Variants in SLIT2 observed in about 807,000 individuals in gnomAD.
The protein encoded by SLIT2 is slit homolog 2 protein.
SLIT2 carries 41 observed loss-of-function variants against 185.7 expected under a neutral mutation model. The observed-to-expected ratio is 0.22, with a 90% confidence interval of 0.17 to 0.29. The LOEUF (loss-of-function observed/expected upper bound fraction) is 0.29. Among genes scored for constraint, SLIT2 ranks in the 10% least tolerant of loss-of-function variants. The pLI is 1.00. For synonymous variants in SLIT2, 693 were observed against 680.2 expected, an observed-to-expected ratio of 1.02 and a Z score of -0.29; for missense variants, 1,571 against 1,909.0, an observed-to-expected ratio of 0.82 and a Z score of 3.30.
At chr4:20,364,095 C>T (rs73238759) in intron 4 of SLIT2, among the ~76,000 whole-genome samples, 1 of 151,986 alleles carries the variant, frequency 6.6e-6, no homozygotes, top group African/African-American at 2.4e-5. Flanking sequence ...AGGGAAAGTT[C>T]GTCTTTGCTC....
rs1009555875 is a variant in SLIT2, at chr4:20,617,169, A to C, written c.4107A>C (p.Gln1369His). The C allele has an allele frequency of 6.2e-7, 1 of 1,600,258 alleles. No homozygotes were observed. Among genetic ancestry groups the C allele is most frequent in the Non-Finnish European group, 8.5e-7 (1 of 1,170,072 alleles). The change falls in exon 35 of 37, where the codon CAA (glutamine) becomes CAC (histidine). Residue 1369 changes from glutamine (Q) to histidine (H), a missense_variant. Around this residue, in one of 3 missense-constraint regions of SLIT2, gnomAD observed 223 missense variants for 245.2 expected, o/e 0.91. Transcript: ENST00000504154. ...QEGWMGPLCD[Q>H]RTNDPCLGNK... ...GATGGATGGGGCCCCTCTGTGACCA[A>C]CGGACCAATGACCCTTGCCTTGGAA...
chr4:20,446,055 C>A (rs1711761057), intron 4 of SLIT2, among the ~76,000 whole-genome samples: 1 of 152,198 alleles, frequency 6.6e-6, no homozygotes, highest in African/African-American at 2.4e-5. Flanking sequence ...TCTCTGTGCA[C>A]AACAACTGTC....
At chr4:20,321,757 C>A (rs572241214) in intron 4 of SLIT2, among the ~76,000 whole-genome samples, 1 of 152,292 alleles carries the variant, frequency 6.6e-6, no homozygotes, top group South Asian at 2.1e-4. Context: ...TTCTATTAGT[C>A]ACTTTCATTT....
chr4:20,472,395 T>TATATCTATATATATAG (rs1553908511), intron 5 of SLIT2, among the ~76,000 whole-genome samples: 5 of 38,864 alleles, frequency 1.3e-4, no homozygotes, highest in African/African-American at 1.9e-4. Context: ...TGTAGATATA[T>TATATCTATATATATAG]AGATATAGAT....
At chr4:20,374,364 T>C (rs1466661253) in intron 4 of SLIT2, among the ~76,000 whole-genome samples, 1 of 152,160 alleles carries the variant, frequency 6.6e-6, no homozygotes, top group Non-Finnish European at 1.5e-5. Flanking sequence ...AATGAATACA[T>C]GAAGCAAAAT....
In SLIT2 at chr4:20,291,492, A is replaced by ATTTT. The variant is rs1157453738; in HGVS notation, c.395+22639_395+22642dup. ...TATATATATATATATATATATATATATTTTTTTTTTTTTTTTTTTTTTTTT... is the reference window on the plus strand; with the variant it reads ...TATATATATATATATATATATATATATTTTTTTTTTTTTTTTTTTTTTTTTTTTT... On this transcript the variant is annotated intron_variant, in intron 4 of 36. Transcript: ENST00000504154. Among the ~76,000 whole-genome samples the ATTTT allele has an allele frequency of 7.7e-4, 14 of 18,260 alleles. 1 individual carries two copies. The highest frequency in any genetic ancestry group is 2.0e-3 in the South Asian group (1 of 494). 12.0% of individuals were successfully genotyped at this position (18,260 alleles called of 152,430 possible).
At chr4:20,382,089 A>T (rs541336759) in intron 4 of SLIT2, among the ~76,000 whole-genome samples, 13 of 152,280 alleles carry the variant, frequency 8.5e-5, no homozygotes, top group African/African-American at 3.1e-4. Flanking sequence ...AGATTTGAGA[A>T]ATCAAGCATT....
At chr4:20,445,842 C>G (rs1299222033) in intron 4 of SLIT2, among the ~76,000 whole-genome samples, 1 of 152,154 alleles carries the variant, frequency 6.6e-6, no homozygotes, top group African/African-American at 2.4e-5. Context: ...TGAAGCGACT[C>G]TCTTAATTAT....
chr4:20,497,401 G>A (rs796114187), intron 9 of SLIT2, among the ~76,000 whole-genome samples: 32 of 152,216 alleles, frequency 2.1e-4, no homozygotes, highest in African/African-American at 7.2e-4. Context: ...AAAGAGGTAG[G>A]CATAGCTTGG....
At chr4:20,614,016 C>A (rs1226092899) in intron 34 of SLIT2, among the ~76,000 whole-genome samples, 1 of 152,040 alleles carries the variant, frequency 6.6e-6, no homozygotes. Context: ...GGATTACAGG[C>A]GCCTGCTACC....
intron 4 of SLIT2, among the ~76,000 whole-genome samples, chr4:20,299,050 A>G (rs569310266): frequency 3.9e-5 from 6 of 152,284 alleles, no homozygotes; most frequent in South Asian, 2.1e-4. Context: ...CAAAAATGCA[A>G]TTTGACAATG....
chr4:20,507,396 A>G (rs1038633213), intron 9 of SLIT2, among the ~76,000 whole-genome samples: 1 of 151,914 alleles, frequency 6.6e-6, no homozygotes, highest in Non-Finnish European at 1.5e-5. Flanking sequence ...TTTCCAGGGA[A>G]AATCTTCAGT....
At chr4:20,514,973 C>A (rs1156442329) in intron 11 of SLIT2, among the ~76,000 whole-genome samples, 1 of 152,088 alleles carries the variant, frequency 6.6e-6, no homozygotes, top group Non-Finnish European at 1.5e-5. Context: ...ATTCAGCATA[C>A]TAGTATTTTT....
intron 4 of SLIT2, among the ~76,000 whole-genome samples, chr4:20,388,891 AATAT>A (rs894032207): frequency 3.5e-5 from 5 of 144,464 alleles, no homozygotes; most frequent in Admixed American, 1.4e-4. Context: ...TATAAAACAT[AATAT>A]ATATAATATA....
At chr4:20,569,029 C>G in intron 29 of SLIT2, 25 bp downstream of exon 29, 1 of 1,603,706 alleles carries the variant, frequency 6.2e-7, no homozygotes, top group Non-Finnish European at 8.5e-7. Flanking sequence ...AAATATTTTG[C>G]CTTCCATCAG....
intron 4 of SLIT2, among the ~76,000 whole-genome samples, chr4:20,391,398 A>C (rs1725400246): frequency 6.6e-6 from 1 of 152,076 alleles, no homozygotes; most frequent in Admixed American, 6.6e-5. Context: ...GAGGACTGCC[A>C]GCAATTTCAT....
At chr4:20,293,581 G>A (rs1382934802) in intron 4 of SLIT2, among the ~76,000 whole-genome samples, 1 of 152,208 alleles carries the variant, frequency 6.6e-6, no homozygotes, top group Non-Finnish European at 1.5e-5. Context: ...AAGAAAGGAA[G>A]AGCATTACTA....
rs369000719 is a variant in SLIT2 at position 20,291,676 on chromosome 4, A to G, written c.395+22795A>G. Among the ~76,000 whole-genome samples the G allele has an allele frequency of 4.6e-5, 7 of 151,730 alleles. No homozygotes were observed. In the East Asian group the frequency reaches 1.4e-3, roughly 29 times the overall value. ...TATTGGTACAATAATACTAATCTAT[A>G]CAAATAGAAGTAATTTATAAATGGT... On this transcript the variant is annotated intron_variant, in intron 4 of 36. Transcript: ENST00000504154.
intron 4 of SLIT2, among the ~76,000 whole-genome samples, chr4:20,448,390 T>C (rs143461593): frequency 1.0e-3 from 159 of 152,194 alleles, no homozygotes; most frequent in African/African-American, 3.8e-3. Context: ...AGCGCGATCT[T>C]GGCTCACTGC....
Sources: gnomAD v4.1 joint callset for allele counts (sites outside exome capture counted in the v4.1 genomes callset) on GRCh38, gnomAD v4.1.1 for gene constraint, gnomAD v4.1.1 regional missense constraint, MANE v1.5 for transcripts, NCBI Gene and HGNC (gene_info 2026-07-23, HGNC 2026-07-21) for gene names.